The following ADARB2 variants were observed in gnomAD, a reference collection of about 807,000 sequenced individuals.
The protein encoded by ADARB2 is inactive double-stranded RNA-specific editase B2.
In ADARB2, 25 loss-of-function variants were observed where a neutral mutation model predicts 62.2. That is an observed-to-expected ratio of 0.40 (90% CI 0.29 to 0.56). The LOEUF is 0.56. Ranked by LOEUF, ADARB2 falls within the 20% of genes least tolerant of loss-of-function variation. The probability of loss-of-function intolerance (pLI) is 0.43; values close to 1 mark genes in which losing one functional copy is unlikely to be tolerated. For missense variants in ADARB2, 1,071 were observed against 1,077.4 expected (o/e 0.99, Z 0.08); for synonymous variants, 572 against 500.8 (o/e 1.14, Z -1.90).
intron 3 of ADARB2, among the ~76,000 whole-genome samples, chr10:1,303,714 G>C (rs1286115599): frequency 6.6e-6 from 1 of 152,184 alleles, no homozygotes; most frequent in African/African-American, 2.4e-5. Context: ...AGAGAGTGGG[G>C]ACCAATATTC....
At chr10:1,385,772 A>C (rs1329630915) in intron 1 of ADARB2, among the ~76,000 whole-genome samples, 1 of 152,202 alleles carries the variant, frequency 6.6e-6, no homozygotes, top group Admixed American at 6.5e-5. Flanking sequence ...ACATCAAATC[A>C]CAGATCCAAG....
chr10:1,525,555 G>C (rs1447547413), intron 1 of ADARB2, among the ~76,000 whole-genome samples: 2 of 152,048 alleles, frequency 1.3e-5, no homozygotes, highest in African/African-American at 2.4e-5. Context: ...GCAGCCCGAC[G>C]CTGGTGGTCC....
At chr10:1,299,529 A>G (rs1456406938) in intron 3 of ADARB2, among the ~76,000 whole-genome samples, 1 of 152,136 alleles carries the variant, frequency 6.6e-6, no homozygotes, top group Non-Finnish European at 1.5e-5. Flanking sequence ...CGGTATGCAA[A>G]TGAGAACTCT....
intron 1 of ADARB2, among the ~76,000 whole-genome samples, chr10:1,726,825 A>T (rs996316260): frequency 6.6e-6 from 1 of 152,040 alleles, no homozygotes; most frequent in Non-Finnish European, 1.5e-5. Context: ...GAGTGTGTGC[A>T]TCCCAGTGAG....
intron 1 of ADARB2, among the ~76,000 whole-genome samples, chr10:1,584,645 GT>G (rs1328366569): frequency 6.6e-6 from 1 of 152,218 alleles, no homozygotes; most frequent in African/African-American, 2.4e-5. Flanking sequence ...CACTTGGATG[GT>G]TGTAGGAGCT....
chr10:1,270,034 A>G (rs552233375), intron 4 of ADARB2, among the ~76,000 whole-genome samples: 2 of 152,328 alleles, frequency 1.3e-5, no homozygotes, highest in South Asian at 4.1e-4. Context: ...CTACATTGTA[A>G]GAAAGCAGCT....
intron 1 of ADARB2, among the ~76,000 whole-genome samples, chr10:1,533,627 G>T (rs1832278449): frequency 6.6e-6 from 1 of 152,192 alleles, no homozygotes; most frequent in Non-Finnish European, 1.5e-5. Flanking sequence ...CACAAAAGAT[G>T]CTGCCCTTGG....
chr10:1,407,160 C>T (rs1832713930), intron 1 of ADARB2, among the ~76,000 whole-genome samples: 3 of 152,238 alleles, frequency 2.0e-5, no homozygotes, highest in Admixed American at 1.3e-4. Flanking sequence ...TTCCCTGACA[C>T]AGTGGCAGGA....
intron 1 of ADARB2, among the ~76,000 whole-genome samples, chr10:1,695,105 G>C (rs1334014202): frequency 6.6e-6 from 1 of 152,186 alleles, no homozygotes; most frequent in African/African-American, 2.4e-5. Context: ...CCTGAAAACA[G>C]CGCATCTGTT....
intron 1 of ADARB2, among the ~76,000 whole-genome samples, chr10:1,686,008 T>C (rs1321294263): frequency 6.6e-6 from 1 of 152,260 alleles, no homozygotes; most frequent in Non-Finnish European, 1.5e-5. Flanking sequence ...CGGACTGGCT[T>C]CTGTTAATCT....
At chr10:1,572,135 GCAGGTGAGTGGA>G (rs1406143090) in intron 1 of ADARB2, among the ~76,000 whole-genome samples, 2 of 150,450 alleles carry the variant, frequency 1.3e-5, no homozygotes, top group East Asian at 2.0e-4. Context: ...AGGTGAGTGT[GCAGGTGAGTGGA>G]CAGGTGAGTG....
At chr10:1,576,067 C>CGTT (rs1833012582) in intron 1 of ADARB2, among the ~76,000 whole-genome samples, 1 of 28,562 alleles carries the variant, frequency 3.5e-5, no homozygotes, top group Non-Finnish European at 7.1e-5. Flanking sequence ...AGGAGGGGGC[C>CGTT]CAGGGTCACA....
chr10:1,713,417 T>C (rs557293128), intron 1 of ADARB2, among the ~76,000 whole-genome samples: 1 of 152,224 alleles, frequency 6.6e-6, no homozygotes, highest in South Asian at 2.1e-4. Context: ...TACAGTAGGA[T>C]GGGCAGGGGG....
Position 1,591,183 on chromosome 10 carries a change from C to T in ADARB2, c.100+145868G>A, listed in dbSNP as rs562658634. Among the ~76,000 whole-genome samples the T allele has an allele frequency of 4.6e-5, 7 of 152,306 alleles. No homozygotes were observed. The East Asian group carries it at 5.8e-4, about 13-fold the overall frequency. ...AGCCTGGTCCCCAGGTTATGGACTC[C>T]GCCTGAGTTTGATGGGTGTGGGTGG... On this transcript the variant is annotated intron_variant, in intron 1 of 9. Coordinates refer to ENST00000381312, the MANE Select transcript of ADARB2 (RefSeq NM_018702.4).
intron 3 of ADARB2, among the ~76,000 whole-genome samples, chr10:1,335,924 T>C (rs1831971653): frequency 6.6e-6 from 1 of 152,246 alleles, no homozygotes; most frequent in African/African-American, 2.4e-5. Flanking sequence ...TGAATAGTGC[T>C]AAATGGGTCT....
At position 1,217,027 on chromosome 10, in the gene ADARB2, T is replaced by C; in HGVS notation, c.1606A>G (p.Ser536Gly). Residue 536 changes from serine (S) to glycine (G), a missense_variant, in exon 7 of 10, where the codon AGC becomes GGC. Ser to Gly is a moderately conservative substitution (Grantham distance 56). Coordinates refer to ENST00000381312, the MANE Select transcript of ADARB2 (RefSeq NM_018702.4). Reference protein sequence around the residue: ...GEGTVPVRGPSAVQTWDGVLL... With the variant: ...GEGTVPVRGPGAVQTWDGVLL... ...ACGCCGTCCCAGGTCTGCACTGCGC[T>C]GGGGCCACGCACGGGGACCGTCCCT... is the stretch of plus-strand genomic sequence containing the variant. 1 of 1,611,994 alleles carries C rather than the reference T, an allele frequency of 6.2e-7. No homozygotes were observed. Among genetic ancestry groups the C allele is most frequent in the East Asian group, 2.2e-5 (1 of 44,840 alleles).
intron 8 of ADARB2, among the ~76,000 whole-genome samples, chr10:1,196,936 T>C (rs1419905008): frequency 6.6e-6 from 1 of 152,228 alleles, no homozygotes. Context: ...GCAAGATTTA[T>C]AATTTTTTCC....
rs79245328 is a variant in ADARB2, at chr10:1,511,188, G to A, written c.101-132028C>T. Among the ~76,000 whole-genome samples, 144 of 152,280 alleles carry A rather than the reference G, an allele frequency of 9.5e-4. 3 individuals carry two copies. In the East Asian group the frequency reaches 0.024, roughly 26 times the overall value. ...GATCCATTTATTTTTGTGCTGCTGG[G>A]GTGGGTGGGCGTATCGGGTGGATGC... On this transcript the variant is annotated intron_variant, in intron 1 of 9. Coordinates refer to ENST00000381312, the MANE Select transcript of ADARB2 (RefSeq NM_018702.4).
In ADARB2 at chr10:1,255,797, CTG is replaced by C. The variant is rs141810280; in HGVS notation, c.1193-13500_1193-13499del. Reference sequence around the variant, plus strand: ...CCTCCCAAACAGGTCACACGTGTGTCTGTGACTCATGGTGGGTCAAACACACT... The same window carrying C: ...CCTCCCAAACAGGTCACACGTGTGTCTGACTCATGGTGGGTCAAACACACT... On this transcript the variant is annotated intron_variant, in intron 4 of 9. Transcript: ENST00000381312. The surrounding 1 kb of genome is among the most constrained non-coding windows in gnomAD (Gnocchi z 4.7). Among the ~76,000 whole-genome samples, 3,843 of 152,300 alleles carry C rather than the reference CTG, an allele frequency of 0.025. 59 individuals are homozygous for C. The highest frequency in any genetic ancestry group is 0.051 in the Middle Eastern group (15 of 294).
Sources: allele counts gnomAD v4.1 joint callset (sites outside exome capture counted in the v4.1 genomes callset), GRCh38; gene constraint gnomAD v4.1.1; non-coding constraint Gnocchi (gnomAD v3.1); transcripts MANE v1.5; gene names NCBI Gene and HGNC (gene_info 2026-07-23, HGNC 2026-07-21).